SERINC3: variants seen among roughly 807,000 people sequenced by gnomAD.
The protein encoded by SERINC3 is serine incorporator 3.
Under a neutral mutation model 52.1 loss-of-function variants are expected in SERINC3, and 22 were observed. The ratio of observed to expected loss-of-function variants is 0.42; its 90% CI spans 0.30 to 0.60. SERINC3 has a LOEUF of 0.60. Among genes scored for constraint, SERINC3 ranks in the 20% least tolerant of loss-of-function variants. The pLI, the probability that SERINC3 is intolerant of heterozygous loss-of-function variation, is 0.16. For synonymous variants in SERINC3, 226 were observed against 212.7 expected, an observed-to-expected ratio of 1.06 and a Z score of -0.54; for missense variants, 564 against 584.6, an observed-to-expected ratio of 0.96 and a Z score of 0.36.
chr20:44,500,995 G>T, intron 9 of SERINC3, 78 bp downstream of exon 9: 3 of 1,032,312 alleles, frequency 2.9e-6, no homozygotes, highest in South Asian at 1.4e-5. Flanking sequence ...AGGGTTCTGA[G>T]GTCAGGACAA....
At chr20:44,504,780 G>C in intron 7 of SERINC3, 21 bp downstream of exon 7, 2 of 1,551,210 alleles carry the variant, frequency 1.3e-6, no homozygotes, top group African/African-American at 1.4e-5. Flanking sequence ...TCAAATGAAT[G>C]TGTTATTGAC....
Position 44,503,973 on chromosome 20 carries a change from C to T in SERINC3, c.897G>A (p.Leu299=), listed in dbSNP as rs2064295887. ...CAGTTATGCGTGTAATAAAGCTCAT[C>T]AGGTTGGGATTGCAGGAACGATCTG... The part of the protein sequence containing the change: ...NEPDRSCNPN[L]MSFITRITAP... Residue 299 remains leucine (L), a synonymous_variant, in exon 8 of 10, where the codon CTG becomes CTA. Coordinates refer to ENST00000342374, the MANE Select transcript of SERINC3 (RefSeq NM_006811.4). 6.9e-6 allele frequency: 11 copies of T among 1,591,588 alleles called. No homozygotes were observed. The highest frequency in any genetic ancestry group is 9.4e-6 in the Non-Finnish European group (11 of 1,173,260).
At chr20:44,519,971 T>G (rs1411098671) in intron 1 of SERINC3, among the ~76,000 whole-genome samples, 1 of 152,150 alleles carries the variant, frequency 6.6e-6, no homozygotes, top group Non-Finnish European at 1.5e-5. Flanking sequence ...GGTGGCTTCA[T>G]GATGGGTGAG....
At chr20:44,515,781 G>A (rs754268825) in intron 1 of SERINC3, among the ~76,000 whole-genome samples, 11 of 151,700 alleles carry the variant, frequency 7.3e-5, no homozygotes, top group Non-Finnish European at 1.2e-4. Context: ...CTCCCAAGTA[G>A]CTGGGACTAC....
intron 1 of SERINC3, among the ~76,000 whole-genome samples, chr20:44,517,702 A>C (rs1216875437): frequency 1.3e-5 from 2 of 152,188 alleles, no homozygotes; most frequent in Non-Finnish European, 2.9e-5. Flanking sequence ...TTCAGAGATA[A>C]GAAATCACTG....
At chr20:44,502,597 A>C (rs1014909576) in intron 8 of SERINC3, among the ~76,000 whole-genome samples, 1 of 151,866 alleles carries the variant, frequency 6.6e-6, no homozygotes, top group Non-Finnish European at 1.5e-5. Context: ...AAAAAAAAAA[A>C]AAAAAAACAC....
At chr20:44,514,192 T>C in intron 1 of SERINC3, 152 bp from the exon 2 acceptor site, 1 of 754,234 alleles carries the variant, frequency 1.3e-6, no homozygotes, top group Non-Finnish European at 2.0e-6. Flanking sequence ...GTACGGGCTC[T>C]GGAGTAAATA....
Position 44,504,821 on chromosome 20 carries a change from G to C in SERINC3, c.854C>G (p.Ser285Ter), listed in dbSNP as rs891913519. 11 of 1,611,324 alleles carry C rather than the reference G, an allele frequency of 6.8e-6. No individual in the cohort carries two copies. The highest frequency in any genetic ancestry group is 9.3e-6 in the Non-Finnish European group (11 of 1,177,964). Reference protein sequence around the residue: ...ITLYTMYLTWSAMSNEPDRSC... With the variant: ...ITLYTMYLTW ...CTTACCAGGTTCATTGGACATGGCT[G>C]ACCAGGTGAGGTACATAGTGTAGAG... The change falls in exon 7 of 10, where the codon TCA becomes TGA. Residue 285 changes from serine (S) to a stop codon, truncating the protein, a stop_gained. Transcript: ENST00000342374. LOFTEE classifies it high-confidence loss of function.
chr20:44,504,738 T>G lies in SERINC3; in HGVS notation c.874+63A>C, dbSNP rs1325129228. ...CTCTAGCTCTAGTTTTTGTACCAAC[T>G]ATGTAAAGGCTGATTTCCTACTTTC... On this transcript the variant is annotated intron_variant, in intron 7 of 9. Transcript: ENST00000342374. 3.7e-6 allele frequency: 5 copies of G among 1,343,830 alleles called. No individual in the cohort carries two copies. In the African/African-American group the frequency reaches 7.2e-5, roughly 19 times the overall value. The allele number at this position is 1,343,830 out of a possible 1,614,324, so 83.2% of individuals were successfully genotyped here. A position where few individuals can be genotyped will look rare whatever the true frequency, so the allele number is the denominator to read the frequency against.
intron 1 of SERINC3, among the ~76,000 whole-genome samples, chr20:44,520,273 G>T (rs1358344832): frequency 6.6e-6 from 1 of 152,148 alleles, no homozygotes; most frequent in African/African-American, 2.4e-5. Flanking sequence ...TACTCCGGGA[G>T]GCTGAAACAT....
intron 6 of SERINC3, among the ~76,000 whole-genome samples, chr20:44,505,207 G>A (rs2064303662): frequency 6.6e-6 from 1 of 152,166 alleles, no homozygotes; most frequent in Admixed American, 6.5e-5. Context: ...ATTAGTAGCT[G>A]GGAGAGGCCT....
At chr20:44,507,674 G>A (rs1474055892) in intron 5 of SERINC3, among the ~76,000 whole-genome samples, 1 of 152,172 alleles carries the variant, frequency 6.6e-6, no homozygotes, top group Non-Finnish European at 1.5e-5. Flanking sequence ...TTCCAGACCA[G>A]CCCAGGCAAC....
At chr20:44,520,490 GAATT>G in intron 1 of SERINC3, among the ~76,000 whole-genome samples, 1 of 152,274 alleles carries the variant, frequency 6.6e-6, no homozygotes. Context: ...TATCCCAAGT[GAATT>G]AATACAGAAA....
Position 44,521,985 on chromosome 20 carries a change from G to C in SERINC3, c.-34C>G, listed in dbSNP as rs755165447. 2.5e-6 allele frequency: 4 copies of C among 1,595,926 alleles called. No homozygotes were observed. The highest frequency in any genetic ancestry group is 3.4e-6 in the Non-Finnish European group (4 of 1,171,392). Reference sequence around the variant, plus strand: ...CAGTGATGGAGGTGGCCGGTCCTGAGGCTGCTTTCTAACACGGTGGTAACT... The same window carrying C: ...CAGTGATGGAGGTGGCCGGTCCTGACGCTGCTTTCTAACACGGTGGTAACT... On this transcript the variant is annotated 5_prime_UTR_variant, in exon 1 of 10. Transcript: ENST00000342374.
chr20:44,512,862 A>G lies in SERINC3; in HGVS notation c.334T>C (p.Phe112Leu). ...SFAMAIFFFV[F>L]SLLMFKVKTS... ...TTTACTTTGAACATGAGCAGAGAAA[A>G]GACAAAGAAAAAGATGGCCATGGCA... The change falls in exon 3 of 10, where the codon TTT becomes CTT. Residue 112 changes from phenylalanine to leucine, a missense_variant. By Grantham distance (22) the Phe-to-Leu change is conservative (BLOSUM62 0). Transcript: ENST00000342374. The G allele has an allele frequency of 6.3e-7, 1 of 1,578,898 alleles. No individual in the cohort carries two copies. Among genetic ancestry groups the G allele is most frequent in the Non-Finnish European group, 8.6e-7 (1 of 1,168,516 alleles).
chr20:44,518,039 A>C (rs1291519787), intron 1 of SERINC3, among the ~76,000 whole-genome samples: 1 of 152,182 alleles, frequency 6.6e-6, no homozygotes, highest in Non-Finnish European at 1.5e-5. Context: ...CTCTACCCTT[A>C]AAATATATCC....
intron 1 of SERINC3, 43 bp downstream of exon 1, chr20:44,521,870 C>T (rs1230041344): frequency 1.3e-6 from 2 of 1,585,444 alleles, no homozygotes; most frequent in Admixed American, 1.8e-5. Flanking sequence ...GGCCTTTCCC[C>T]GCAAACCGCA....
At chr20:44,511,480 A>G (rs2064347452) in intron 3 of SERINC3, 112 bp from the exon 4 acceptor site, 1 of 680,218 alleles carries the variant, frequency 1.5e-6, no homozygotes. Context: ...TCCCAACATG[A>G]TTGTCTGGAC....
At chr20:44,506,336 G>A (rs1321289123) in intron 6 of SERINC3, among the ~76,000 whole-genome samples, 4 of 150,036 alleles carry the variant, frequency 2.7e-5, no homozygotes, top group African/African-American at 9.8e-5. Context: ...GCTCACGCCT[G>A]TAATCCCAGC....
Sources: allele counts gnomAD v4.1 joint callset (sites outside exome capture counted in the v4.1 genomes callset), GRCh38; gene constraint gnomAD v4.1.1; transcripts MANE v1.5; gene names NCBI Gene and HGNC (gene_info 2026-07-23, HGNC 2026-07-21).